The following TTC33 variants were observed in gnomAD, a reference collection of about 807,000 sequenced individuals.
TTC33 encodes the protein tetratricopeptide repeat domain 33.
A neutral mutation model predicts 29.4 loss-of-function variants in TTC33; 24 were observed. The observed-to-expected ratio is 0.82, with a 90% confidence interval of 0.59 to 1.15. TTC33 has a LOEUF of 1.15. TTC33 is among the 50% of genes most tolerant of loss of function. The probability of loss-of-function intolerance (pLI) is 0.00; values close to 1 mark genes in which losing one functional copy is unlikely to be tolerated. For missense variants in TTC33, 286 were observed against 310.4 expected, an observed-to-expected ratio of 0.92 and a Z score of 0.59; for synonymous variants, 107 against 100.3, an observed-to-expected ratio of 1.07 and a Z score of -0.40.
At chr5:40,723,873 A>C (rs781169392) in intron 4 of TTC33, among the ~76,000 whole-genome samples, 8 of 150,410 alleles carry the variant, frequency 5.3e-5, no homozygotes, top group Non-Finnish European at 8.8e-5. Context: ...TCAAAAAAAA[A>C]CAAACAAACA....
At chr5:40,728,143 G>A (rs1414487790) in intron 4 of TTC33, among the ~76,000 whole-genome samples, 1 of 151,776 alleles carries the variant, frequency 6.6e-6, no homozygotes, top group Admixed American at 6.6e-5. Flanking sequence ...CATTAGCCAG[G>A]CATGGTGGCG....
intron 4 of TTC33, among the ~76,000 whole-genome samples, chr5:40,718,790 A>G (rs1742064921): frequency 6.6e-6 from 1 of 152,056 alleles, no homozygotes; most frequent in Admixed American, 6.6e-5. Context: ...AATCCCAGCT[A>G]ATTTGGAGGC....
At chr5:40,746,674 A>C in intron 2 of TTC33, 124 bp downstream of exon 2, 1 of 743,352 alleles carries the variant, frequency 1.3e-6, no homozygotes, top group East Asian at 2.9e-5. Context: ...TCTTTGATTA[A>C]TTTAGCACCT....
rs917392265 is a variant in TTC33, at chr5:40,747,789, C to T, written c.-1-770G>A. ...ATACTAACCAACATAACATGTGGAT[C>T]TTGTTTCACTCCTGATTCAAAAAAG... On this transcript the variant is annotated intron_variant, in intron 1 of 4. Coordinates refer to ENST00000337702, the MANE Select transcript of TTC33 (RefSeq NM_012382.3). Among the ~76,000 whole-genome samples, 36 of 152,138 alleles carry T rather than the reference C, an allele frequency of 2.4e-4. 1 individual carries two copies. Among genetic ancestry groups the T allele is most frequent in the African/African-American group, 8.7e-4 (36 of 41,426 alleles).
intron 4 of TTC33, among the ~76,000 whole-genome samples, chr5:40,723,153 G>C (rs888730218): frequency 6.6e-6 from 1 of 152,096 alleles, no homozygotes. Flanking sequence ...CGTGCTCTCT[G>C]AAACATGTGC....
intron 4 of TTC33, among the ~76,000 whole-genome samples, chr5:40,718,414 T>A (rs1447385089): frequency 1.3e-5 from 2 of 149,210 alleles, no homozygotes; most frequent in Admixed American, 6.7e-5. Flanking sequence ...TCAAAAAAAA[T>A]AAATAAATAA....
At chr5:40,718,144 T>C (rs961284436) in intron 4 of TTC33, among the ~76,000 whole-genome samples, 6 of 150,834 alleles carry the variant, frequency 4.0e-5, no homozygotes, top group African/African-American at 1.2e-4. Context: ...GACAGATACA[T>C]GATGGCTCAC....
intron 2 of TTC33, among the ~76,000 whole-genome samples, chr5:40,738,485 AATACAATAC>A (rs1178437988): frequency 1.5e-5 from 2 of 137,652 alleles, no homozygotes; most frequent in African/African-American, 5.5e-5. Flanking sequence ...AATACAATAC[AATACAATAC>A]AATACAATAC....
intron 4 of TTC33, among the ~76,000 whole-genome samples, chr5:40,721,261 A>G (rs1318946549): frequency 6.6e-6 from 1 of 152,152 alleles, no homozygotes; most frequent in Non-Finnish European, 1.5e-5. Context: ...AGTTGCTATC[A>G]CCCCTTCCCT....
intron 4 of TTC33, among the ~76,000 whole-genome samples, chr5:40,724,097 C>A (rs1379605123): frequency 6.6e-6 from 1 of 152,160 alleles, no homozygotes; most frequent in Non-Finnish European, 1.5e-5. Flanking sequence ...CAGCACTATT[C>A]ACGATAGCCA....
chr5:40,721,643 C>T (rs539043230), intron 4 of TTC33, among the ~76,000 whole-genome samples: 2 of 151,976 alleles, frequency 1.3e-5, no homozygotes, highest in South Asian at 4.2e-4. Context: ...AGACCTGAAG[C>T]TTACATTGTA....
intron 1 of TTC33, among the ~76,000 whole-genome samples, chr5:40,749,788 CT>C (rs1220718388): frequency 6.6e-6 from 1 of 152,118 alleles, no homozygotes; most frequent in Non-Finnish European, 1.5e-5. Flanking sequence ...AGCATCATAT[CT>C]TTAAAAATGT....
chr5:40,751,630 T>G (rs1471383714), intron 1 of TTC33, among the ~76,000 whole-genome samples: 2 of 152,110 alleles, frequency 1.3e-5, no homozygotes, highest in South Asian at 2.1e-4. Flanking sequence ...TCCTGGAGAG[T>G]ATCTTCTTCC....
intron 2 of TTC33, among the ~76,000 whole-genome samples, chr5:40,737,141 C>CA (rs1000547078): frequency 1.3e-5 from 2 of 151,922 alleles, no homozygotes; most frequent in African/African-American, 2.4e-5. Flanking sequence ...ACTAAAAATA[C>CA]AAAAAATCAG....
chr5:40,714,690 G>C lies in TTC33; in HGVS notation c.*1455C>G, dbSNP rs548627438. 1 of 152,218 alleles carries C rather than the reference G, an allele frequency of 6.6e-6. No homozygotes were observed. The highest frequency in any genetic ancestry group is 2.1e-4 in the South Asian group (1 of 4,826). The allele number at this position is 152,218 out of a possible 1,614,324, so 9.4% of individuals were successfully genotyped here. On this transcript the variant is annotated 3_prime_UTR_variant, in exon 5 of 5. Coordinates refer to ENST00000337702, the MANE Select transcript of TTC33 (RefSeq NM_012382.3). ...TAATTTTCTGATGATATAACTTAAG[G>C]AAAGAATATTCTTTTCAAGGCAAGT...
At chr5:40,723,142 C>T (rs938200839) in intron 4 of TTC33, among the ~76,000 whole-genome samples, 1 of 151,918 alleles carries the variant, frequency 6.6e-6, no homozygotes, top group Non-Finnish European at 1.5e-5. Context: ...ACCCCCAACC[C>T]CGTGCTCTCT....
intron 3 of TTC33, 105 bp downstream of exon 3, chr5:40,730,157 G>C: frequency 3.6e-6 from 3 of 844,394 alleles, no homozygotes; most frequent in Non-Finnish European, 5.5e-6. Flanking sequence ...AACCGTATTT[G>C]TAAAAGAAAA....
chr5:40,730,546 T>C (rs933951721), intron 2 of TTC33, among the ~76,000 whole-genome samples: 3 of 152,170 alleles, frequency 2.0e-5, no homozygotes, highest in Non-Finnish European at 2.9e-5. Context: ...TCCAGAACTT[T>C]TTCATCTTCC....
Position 40,738,567 on chromosome 5 carries a change from T to TAAAATAAAATATAAA in TTC33, c.222-8225_222-8224insTTTATATTTTATTTT, listed in dbSNP as rs1286758071. Among the ~76,000 whole-genome samples, 99 of 67,570 alleles carry TAAAATAAAATATAAA rather than the reference T, an allele frequency of 1.5e-3. 1 individual carries two copies. Among genetic ancestry groups the TAAAATAAAATATAAA allele is most frequent in the African/African-American group, 3.9e-3 (77 of 19,536 alleles). The allele number at this position is 67,570 out of a possible 152,430, so 44.3% of individuals were successfully genotyped here. A position where few individuals can be genotyped will look rare whatever the true frequency, so the allele number is the denominator to read the frequency against. ...TAAAATAAAATAAAATAAAATAAAA[T>TAAAATAAAATATAAA]ATAAAATAAAATAAAATAAAATAAA... On this transcript the variant is annotated intron_variant, in intron 2 of 4. Transcript: ENST00000337702.
Sources: gnomAD v4.1 joint callset for allele counts (sites outside exome capture counted in the v4.1 genomes callset) on GRCh38, gnomAD v4.1.1 for gene constraint, MANE v1.5 for transcripts, NCBI Gene and HGNC (gene_info 2026-07-23, HGNC 2026-07-21) for gene names.